LUZP2: variants seen among roughly 807,000 people sequenced by gnomAD.
LUZP2 encodes the protein leucine zipper protein 2.
A neutral mutation model predicts 51.6 loss-of-function variants in LUZP2; 52 were observed. That is an observed-to-expected ratio of 1.01 (90% CI 0.81 to 1.27). The LOEUF (loss-of-function observed/expected upper bound fraction) is 1.27. Among genes scored for constraint, LUZP2 ranks in the 50% most tolerant of loss-of-function variants. LUZP2 has a pLI of 0.00. For missense variants in LUZP2, 436 were observed against 395.4 expected, an observed-to-expected ratio of 1.10 and a Z score of -0.87; for synonymous variants, 154 against 137.3, an observed-to-expected ratio of 1.12 and a Z score of -0.85.
intron 1 of LUZP2, among the ~76,000 whole-genome samples, chr11:24,708,526 A>G (rs1460540789): frequency 6.6e-6 from 1 of 152,204 alleles, no homozygotes; most frequent in African/African-American, 2.4e-5. Context: ...TTATGCTGGC[A>G]GACTCTGTGT....
rs201664647 is a variant in LUZP2 at position 24,587,281 on chromosome 11, AGGTATTAATTTG to A, written c.62+89979_62+89990del. 9.9e-3 allele frequency among the ~76,000 whole-genome samples: 1,508 copies of A among 152,216 alleles called. 25 individuals are homozygous for A. Among genetic ancestry groups the A allele is most frequent in the African/African-American group, 0.035 (1,443 of 41,560 alleles). On this transcript the variant is annotated intron_variant, in intron 1 of 11. Transcript: ENST00000336930. Reference sequence around the variant, plus strand: ...AAGCCTTGGAGAGAGATTCAGTGGGAGGTATTAATTTGGGATTGTACAAAGGAGAATACAGTG... The same window carrying A: ...AAGCCTTGGAGAGAGATTCAGTGGGAGGATTGTACAAAGGAGAATACAGTG...
intron 5 of LUZP2, among the ~76,000 whole-genome samples, chr11:24,884,806 G>T (rs558661371): frequency 8.5e-4 from 130 of 152,110 alleles, no homozygotes; most frequent in Non-Finnish European, 1.5e-3. Flanking sequence ...TTACTGTCAG[G>T]TTCCTTCATA....
chr11:24,529,411 A>G (rs1015754032), intron 1 of LUZP2, among the ~76,000 whole-genome samples: 1 of 151,116 alleles, frequency 6.6e-6, no homozygotes, highest in South Asian at 2.1e-4. Context: ...AATCATGACT[A>G]CTAATCATGG....
At chr11:24,886,005 A>G (rs1015627008) in intron 5 of LUZP2, among the ~76,000 whole-genome samples, 1 of 152,200 alleles carries the variant, frequency 6.6e-6, no homozygotes, top group Non-Finnish European at 1.5e-5. Flanking sequence ...CAACTGGGAC[A>G]TCTGCCACCA....
intron 1 of LUZP2, among the ~76,000 whole-genome samples, chr11:24,715,789 A>G (rs1305607538): frequency 6.6e-6 from 1 of 152,136 alleles, no homozygotes; most frequent in African/African-American, 2.4e-5. Flanking sequence ...TTGATTAGGG[A>G]TACTTCATTG....
In LUZP2 at chr11:25,080,154, G is replaced by A. The variant is rs1341149494; in HGVS notation, c.*1496G>A. On this transcript the variant is annotated 3_prime_UTR_variant, in exon 12 of 12. Coordinates refer to ENST00000336930, the MANE Select transcript of LUZP2 (RefSeq NM_001009909.4). ...TGGTTCAACTTAACGGTTTTTTCAT[G>A]ATTCTGTGAAAGCTTCATAATTTCT... The A allele has an allele frequency of 6.6e-6, 1 of 152,162 alleles. No individual in the cohort carries two copies. Among genetic ancestry groups the A allele is most frequent in the African/African-American group, 2.4e-5 (1 of 41,432 alleles). The allele number at this position is 152,162 out of a possible 1,614,324, so 9.4% of individuals were successfully genotyped here.
At chr11:24,885,665 C>T (rs1852646774) in intron 5 of LUZP2, among the ~76,000 whole-genome samples, 1 of 152,086 alleles carries the variant, frequency 6.6e-6, no homozygotes. Context: ...GAAAAGTCAT[C>T]ATCTCATGTT....
At chr11:25,002,041 G>A (rs560140340) in intron 9 of LUZP2, among the ~76,000 whole-genome samples, 2 of 152,208 alleles carry the variant, frequency 1.3e-5, no homozygotes, top group African/African-American at 4.8e-5. Context: ...TTCCCCCAGA[G>A]GTTAGGAACT....
intron 1 of LUZP2, among the ~76,000 whole-genome samples, chr11:24,620,435 G>T (rs192602165): frequency 5.1e-4 from 78 of 152,162 alleles, no homozygotes; most frequent in African/African-American, 1.9e-3. Flanking sequence ...AGAGGCAATT[G>T]TCATACCTGC....
At chr11:24,542,416 C>T (rs1001693799) in intron 1 of LUZP2, among the ~76,000 whole-genome samples, 2 of 151,688 alleles carry the variant, frequency 1.3e-5, no homozygotes, top group Non-Finnish European at 1.5e-5. Flanking sequence ...GCCCTTAAGA[C>T]ACAAGAAAAA....
chr11:25,072,462 G>T (rs763597871), intron 10 of LUZP2, among the ~76,000 whole-genome samples: 3 of 151,988 alleles, frequency 2.0e-5, no homozygotes, highest in African/African-American at 4.8e-5. Flanking sequence ...GCAATTTAAG[G>T]ATAACAAAGG....
chr11:24,600,516 T>C (rs1241978659), intron 1 of LUZP2, among the ~76,000 whole-genome samples: 1 of 152,168 alleles, frequency 6.6e-6, no homozygotes, highest in East Asian at 1.9e-4. Context: ...CTGCCATTTC[T>C]GGTTATTTCA....
chr11:25,007,932 T>C (rs187153244), intron 9 of LUZP2, among the ~76,000 whole-genome samples: 39 of 152,336 alleles, frequency 2.6e-4, no homozygotes, highest in African/African-American at 9.4e-4. Context: ...CCCTAATAAT[T>C]GCTTGTGAAC....
intron 1 of LUZP2, among the ~76,000 whole-genome samples, chr11:24,723,407 A>C (rs933029979): frequency 6.6e-6 from 1 of 152,380 alleles, no homozygotes; most frequent in East Asian, 1.9e-4. Context: ...TTAACCACAA[A>C]GCATATGAAA....
At chr11:24,682,111 C>T (rs1015015528) in intron 1 of LUZP2, among the ~76,000 whole-genome samples, 1 of 152,120 alleles carries the variant, frequency 6.6e-6, no homozygotes. Flanking sequence ...GAGTTAATGA[C>T]GATTGAAAAT....
chr11:24,589,238 G>C (rs987686648), intron 1 of LUZP2, among the ~76,000 whole-genome samples: 4 of 152,018 alleles, frequency 2.6e-5, no homozygotes, highest in African/African-American at 7.3e-5. Flanking sequence ...GATCTCAGTC[G>C]TGCCAGGTCT....
intron 5 of LUZP2, among the ~76,000 whole-genome samples, chr11:24,825,866 A>G (rs1001832407): frequency 1.4e-4 from 21 of 152,062 alleles, no homozygotes; most frequent in African/African-American, 4.8e-4. Flanking sequence ...CAACTCCACT[A>G]TTAGTAAAGT....
chr11:24,638,991 G>A (rs1204753334), intron 1 of LUZP2, among the ~76,000 whole-genome samples: 1 of 151,538 alleles, frequency 6.6e-6, no homozygotes, highest in African/African-American at 2.4e-5. Context: ...GAAAAAGAGA[G>A]AAAATGTTCA....
intron 5 of LUZP2, among the ~76,000 whole-genome samples, chr11:24,824,807 G>C (rs1312842872): frequency 6.6e-6 from 1 of 151,910 alleles, no homozygotes; most frequent in Non-Finnish European, 1.5e-5. Flanking sequence ...TTGTGTTCAT[G>C]CGTGGTACCA....
Sources: gnomAD v4.1 joint callset for allele counts (sites outside exome capture counted in the v4.1 genomes callset) on GRCh38, gnomAD v4.1.1 for gene constraint, MANE v1.5 for transcripts, NCBI Gene and HGNC (gene_info 2026-07-23, HGNC 2026-07-21) for gene names.